The following NLGN1 variants were observed in gnomAD, a reference collection of about 807,000 sequenced individuals.
NLGN1 encodes neuroligin-1.
A neutral mutation model predicts 65.5 loss-of-function variants in NLGN1; 12 were observed. The ratio of observed to expected loss-of-function variants is 0.18; its 90% CI spans 0.12 to 0.30. The LOEUF (loss-of-function observed/expected upper bound fraction) is 0.30. Ranked by LOEUF, NLGN1 falls within the 10% of genes least tolerant of loss-of-function variation. NLGN1 has a pLI of 1.00. For missense variants in NLGN1, 750 were observed against 1,007.1 expected, an observed-to-expected ratio of 0.74 and a Z score of 3.46; for synonymous variants, 350 against 359.5, an observed-to-expected ratio of 0.97 and a Z score of 0.30.
chr3:173,766,845 T>C (rs1478386175), intron 3 of NLGN1, among the ~76,000 whole-genome samples: 1 of 152,208 alleles, frequency 6.6e-6, no homozygotes, highest in Non-Finnish European at 1.5e-5. Context: ...AAAAAGAATT[T>C]TATGGCTGTC....
chr3:173,998,005 G>C (rs1003550674), intron 4 of NLGN1, among the ~76,000 whole-genome samples: 1 of 152,110 alleles, frequency 6.6e-6, no homozygotes, highest in Non-Finnish European at 1.5e-5. Context: ...ACGAGTTTCT[G>C]TATGGACTGA....
intron 3 of NLGN1, among the ~76,000 whole-genome samples, chr3:173,793,237 A>G (rs1365205377): frequency 6.6e-6 from 1 of 152,152 alleles, no homozygotes; most frequent in African/African-American, 2.4e-5. Context: ...CAATAATTCA[A>G]TCGTGGTAAT....
intron 3 of NLGN1, among the ~76,000 whole-genome samples, chr3:173,709,752 G>A (rs975848928): frequency 5.1e-5 from 7 of 137,072 alleles, no homozygotes; most frequent in East Asian, 2.2e-4. Flanking sequence ...GCAGTGAGCC[G>A]AGATTGTACC....
chr3:173,570,678 C>T (rs973583169), intron 2 of NLGN1, among the ~76,000 whole-genome samples: 10 of 152,034 alleles, frequency 6.6e-5, no homozygotes, highest in African/African-American at 1.9e-4. Flanking sequence ...GTTTTGTTTT[C>T]GCCTGAATTA....
intron 4 of NLGN1, among the ~76,000 whole-genome samples, chr3:173,929,712 T>C (rs1314173866): frequency 6.6e-6 from 1 of 151,678 alleles, no homozygotes; most frequent in East Asian, 1.9e-4. Flanking sequence ...TTCTTTTTTT[T>C]TTTCTTTTTG....
At chr3:174,058,756 GA>G (rs531344789) in intron 4 of NLGN1, among the ~76,000 whole-genome samples, 12 of 150,746 alleles carry the variant, frequency 8.0e-5, no homozygotes, top group African/African-American at 2.2e-4. Context: ...TAGTTATAGT[GA>G]AAAAAAAATT....
At chr3:173,451,025 G>C (rs1577542378) in intron 2 of NLGN1, among the ~76,000 whole-genome samples, 1 of 152,182 alleles carries the variant, frequency 6.6e-6, no homozygotes, top group South Asian at 2.1e-4. Flanking sequence ...CTTTAGCTCA[G>C]AGTAGTTTGA....
intron 2 of NLGN1, among the ~76,000 whole-genome samples, chr3:173,564,072 T>C (rs1224747304): frequency 1.3e-5 from 2 of 152,196 alleles, no homozygotes; most frequent in African/African-American, 4.8e-5. Context: ...TTCCCTCCTT[T>C]CCCTGCTCTA....
chr3:173,521,348 T>C (rs757577094), intron 2 of NLGN1, among the ~76,000 whole-genome samples: 2 of 152,206 alleles, frequency 1.3e-5, no homozygotes, highest in Non-Finnish European at 2.9e-5. Context: ...AAGCCACAGA[T>C]CACATGGAGA....
chr3:173,919,771 A>C (rs925158610), intron 4 of NLGN1, among the ~76,000 whole-genome samples: 1 of 150,998 alleles, frequency 6.6e-6, no homozygotes, highest in Non-Finnish European at 1.5e-5. Context: ...AATGAAAAAC[A>C]TGCAAACAAA....
chr3:174,111,990 A>G (rs1417214469), intron 4 of NLGN1, among the ~76,000 whole-genome samples: 2 of 151,922 alleles, frequency 1.3e-5, no homozygotes, highest in African/African-American at 4.8e-5. Context: ...TTCTGTTCTA[A>G]GAGAGGAACC....
chr3:173,567,965 TTTTA>T (rs1246489203), intron 2 of NLGN1, among the ~76,000 whole-genome samples: 2 of 152,178 alleles, frequency 1.3e-5, no homozygotes, highest in Admixed American at 1.3e-4. Context: ...TTTATTCATT[TTTTA>T]TTTGACAAAT....
chr3:173,569,192 A>C (rs1427421296), intron 2 of NLGN1, among the ~76,000 whole-genome samples: 2 of 152,190 alleles, frequency 1.3e-5, no homozygotes, highest in Admixed American at 1.3e-4. Context: ...ACATAATTTT[A>C]ATAAAATTAT....
At chr3:173,513,898 G>C (rs1458522746) in intron 2 of NLGN1, among the ~76,000 whole-genome samples, 1 of 151,976 alleles carries the variant, frequency 6.6e-6, no homozygotes, top group Non-Finnish European at 1.5e-5. Context: ...TGTGGTGGTG[G>C]GCGCCTGTAA....
chr3:173,860,998 T>G (rs1728952695), intron 4 of NLGN1, among the ~76,000 whole-genome samples: 1 of 152,116 alleles, frequency 6.6e-6, no homozygotes. Context: ...AAACAAGAAA[T>G]CTTTTAGTGA....
rs1776190582 is a variant in NLGN1, at chr3:173,750,658, C to T, written c.494-57022C>T. Among the ~76,000 whole-genome samples, 3 of 152,034 alleles carry T rather than the reference C, an allele frequency of 2.0e-5. No individual in the cohort carries two copies. The South Asian group carries it at 6.2e-4, about 31-fold the overall frequency. ...TGCCTCAAAGTAATCATTATGCACA[C>T]TAATTATTGTTGTACACTGCAGAAA... On this transcript the variant is annotated intron_variant, in intron 3 of 6. Coordinates refer to ENST00000457714, the Ensembl canonical transcript of NLGN1.
chr3:173,637,266 T>A (rs1192979961), intron 3 of NLGN1, among the ~76,000 whole-genome samples: 1 of 152,144 alleles, frequency 6.6e-6, no homozygotes, highest in Non-Finnish European at 1.5e-5. Flanking sequence ...AAAATATCTT[T>A]GGAAATATGT....
At chr3:173,764,607 C>T (rs575102377) in intron 3 of NLGN1, among the ~76,000 whole-genome samples, 4 of 152,200 alleles carry the variant, frequency 2.6e-5, no homozygotes, top group South Asian at 2.1e-4. Context: ...TGGGCTACCA[C>T]AAAAGTTTTA....
chr3:173,831,623 G>A (rs1275943796), intron 4 of NLGN1, among the ~76,000 whole-genome samples: 2 of 152,098 alleles, frequency 1.3e-5, no homozygotes, highest in Admixed American at 1.3e-4. Context: ...TCTACAAAGT[G>A]CCATAAACTT....
Sources: allele counts gnomAD v4.1 joint callset (sites outside exome capture counted in the v4.1 genomes callset), GRCh38; gene constraint gnomAD v4.1.1; transcripts MANE v1.5; gene names NCBI Gene and HGNC (gene_info 2026-07-23, HGNC 2026-07-21).